PDE11A: variants seen among roughly 807,000 people sequenced by gnomAD.
The protein encoded by PDE11A is dual 3',5'-cyclic-AMP and -GMP phosphodiesterase 11A.
A neutral mutation model predicts 100.5 loss-of-function variants in PDE11A; 100 were observed. That is an observed-to-expected ratio of 1.00 (90% confidence interval 0.85 to 1.18). The LOEUF is 1.18. Ranked by LOEUF, PDE11A falls within the 50% of genes most tolerant of loss-of-function variation. PDE11A has a pLI of 0.00. For missense variants in PDE11A, 1,141 were observed against 1,152.6 expected (o/e 0.99, Z 0.15); for synonymous variants, 381 against 420.8 (o/e 0.91, Z 1.16).
intron 5 of PDE11A, among the ~76,000 whole-genome samples, chr2:177,873,093 T>TG (rs1423740889): frequency 1.3e-5 from 2 of 152,186 alleles, no homozygotes; most frequent in African/African-American, 4.8e-5. Context: ...GTCTAGGTCT[T>TG]GGGTCATTTC....
At chr2:177,876,495 T>C (rs778224989) in intron 4 of PDE11A, among the ~76,000 whole-genome samples, 2 of 148,350 alleles carry the variant, frequency 1.3e-5, no homozygotes, top group Middle Eastern at 3.4e-3. Context: ...AGTGCGAGAG[T>C]TGACCAAGGC....
At chr2:177,670,255 C>G (rs7605493) in intron 17 of PDE11A, among the ~76,000 whole-genome samples, 96,125 of 152,094 alleles carry the variant, frequency 0.63, 32,988 homozygotes, top group Admixed American at 0.75. Context: ...ATGGTAGGCT[C>G]TACTTGGTAC....
In PDE11A at chr2:178,072,218, C is replaced by T; in HGVS notation, c.220G>A (p.Gly74Ser). The stretch of plus-strand genomic sequence containing the variant: ...GCAGAGCCATTTGGTCCAGTGCCAC[C>T]ACCAACGCTGCTGCCACCTCTGCAG... ...STCRGGSSVG[G>S]GTGPNGSAHS... The change falls in exon 1 of 20, where the codon GGT (glycine) becomes AGT (serine). Residue 74 changes from glycine (G) to serine (S), a missense_variant. Gly to Ser is a moderately conservative substitution (Grantham distance 56). Transcript: ENST00000286063. The T allele has an allele frequency of 6.2e-7, 1 of 1,613,738 alleles. No homozygotes were observed. Among genetic ancestry groups the T allele is most frequent in the Non-Finnish European group, 8.5e-7 (1 of 1,179,800 alleles).
At chr2:177,724,099 C>T (rs2081566981) in intron 12 of PDE11A, among the ~76,000 whole-genome samples, 1 of 152,090 alleles carries the variant, frequency 6.6e-6, no homozygotes. Context: ...CAAATAATAA[C>T]TGTCACTACC....
intron 4 of PDE11A, among the ~76,000 whole-genome samples, chr2:177,879,847 AACT>A (rs528414173): frequency 6.7e-4 from 102 of 152,306 alleles, no homozygotes; most frequent in Non-Finnish European, 1.2e-3. Flanking sequence ...AAGTTGGAGA[AACT>A]ACTAAAAGGA....
chr2:177,856,856 A>T (rs2083842984), intron 5 of PDE11A, among the ~76,000 whole-genome samples: 2 of 152,082 alleles, frequency 1.3e-5, no homozygotes, highest in African/African-American at 4.8e-5. Context: ...TCAGCAAAAA[A>T]GGAGACAAAG....
In PDE11A at chr2:178,072,529, AC is replaced by A; in HGVS notation, c.-93del. 1 of 1,573,172 alleles carries A rather than the reference AC, an allele frequency of 6.4e-7. No homozygotes were observed. Among genetic ancestry groups the A allele is most frequent in the South Asian group, 1.1e-5 (1 of 87,288 alleles). ...GCTGTTCCTGCACATGTTCACCCCC[AC>A]CAGTATTCCCAGTTCAGCGCCACCT... On this transcript the variant is annotated 5_prime_UTR_variant, in exon 1 of 20. Coordinates refer to ENST00000286063, the MANE Select transcript of PDE11A (RefSeq NM_016953.4).
intron 1 of PDE11A, among the ~76,000 whole-genome samples, chr2:178,053,213 C>T (rs1323126528): frequency 6.6e-6 from 1 of 152,166 alleles, no homozygotes; most frequent in Non-Finnish European, 1.5e-5. Flanking sequence ...GTTCAACATA[C>T]ACAAATCAAT....
chr2:177,864,390 A>T (rs1447464781), intron 5 of PDE11A, among the ~76,000 whole-genome samples: 5 of 152,190 alleles, frequency 3.3e-5, no homozygotes, highest in Admixed American at 3.3e-4. Context: ...CTGTGAGATG[A>T]CGGCTATGTT....
At chr2:177,820,353 A>T in intron 6 of PDE11A, 58 bp from the exon 7 acceptor site, 1 of 990,508 alleles carries the variant, frequency 1.0e-6, no homozygotes, top group Non-Finnish European at 1.6e-6. Flanking sequence ...TTTTTGATTT[A>T]CATTTTTTCC....
intron 4 of PDE11A, among the ~76,000 whole-genome samples, chr2:177,878,608 C>T (rs2084278894): frequency 6.6e-6 from 1 of 152,104 alleles, no homozygotes; most frequent in South Asian, 2.1e-4. Flanking sequence ...TCAATGCTTA[C>T]AACATCCCAG....
intron 9 of PDE11A, among the ~76,000 whole-genome samples, chr2:177,812,916 T>C (rs1447487082): frequency 2.2e-5 from 2 of 91,476 alleles, no homozygotes; most frequent in South Asian, 3.1e-4. Flanking sequence ...AGGCATTATA[T>C]AGAATTTGTA....
At chr2:177,915,120 C>A (rs2084933996) in intron 2 of PDE11A, among the ~76,000 whole-genome samples, 1 of 152,160 alleles carries the variant, frequency 6.6e-6, no homozygotes, top group African/African-American at 2.4e-5. Flanking sequence ...CTGCCCAACA[C>A]ACAGTTTCCC....
At chr2:177,853,703 TG>T (rs1358209592) in intron 5 of PDE11A, among the ~76,000 whole-genome samples, 4 of 36,970 alleles carry the variant, frequency 1.1e-4, no homozygotes, top group Non-Finnish European at 5.8e-5. Context: ...TGTGTGTGTG[TG>T]TGTGTGTGTT....
intron 19 of PDE11A, among the ~76,000 whole-genome samples, chr2:177,651,368 G>A (rs2080306053): frequency 6.6e-6 from 1 of 152,166 alleles, no homozygotes; most frequent in South Asian, 2.1e-4. Context: ...CCTTTGTTCA[G>A]ACTCTTGGAA....
chr2:177,805,175 G>A (rs926010429), intron 9 of PDE11A, among the ~76,000 whole-genome samples: 1 of 151,744 alleles, frequency 6.6e-6, no homozygotes, highest in African/African-American at 2.4e-5. Flanking sequence ...ATAAACAGAT[G>A]AGTCAGGAAT....
At chr2:178,041,165 G>A (rs973207827) in intron 1 of PDE11A, among the ~76,000 whole-genome samples, 1 of 151,710 alleles carries the variant, frequency 6.6e-6, no homozygotes, top group African/African-American at 2.4e-5. Context: ...GTCTCGAATT[G>A]CTGGGCTCAA....
intron 9 of PDE11A, among the ~76,000 whole-genome samples, chr2:177,795,935 C>CTATACATATATA (rs71410761): frequency 1.5e-5 from 1 of 67,244 alleles, no homozygotes; most frequent in African/African-American, 3.9e-5. Flanking sequence ...TTTGTTTAAA[C>CTATACATATATA]TATATATATA....
intron 14 of PDE11A, among the ~76,000 whole-genome samples, chr2:177,700,322 T>C (rs553299355): frequency 6.6e-6 from 1 of 150,830 alleles, no homozygotes; most frequent in East Asian, 1.9e-4. Flanking sequence ...AGGGCCTTAA[T>C]GATGATAATA....
Sources: gnomAD v4.1 joint callset for allele counts (sites outside exome capture counted in the v4.1 genomes callset) on GRCh38, gnomAD v4.1.1 for gene constraint, MANE v1.5 for transcripts, NCBI Gene and HGNC (gene_info 2026-07-23, HGNC 2026-07-21) for gene names.